Variants in EIF4G1 observed in about 807,000 individuals in gnomAD.
The protein encoded by EIF4G1 is eukaryotic translation initiation factor 4 gamma 1, also known as EIF4-gamma.
Under a neutral mutation model 187.8 loss-of-function variants are expected in EIF4G1, and 4 were observed. The observed-to-expected ratio is 0.02, with a 90% CI of 0.01 to 0.05. The LOEUF (loss-of-function observed/expected upper bound fraction) is 0.05, where lower values mean the gene tolerates loss of function less well. Ranked by LOEUF, EIF4G1 falls within the 10% of genes least tolerant of loss-of-function variation. The pLI, the probability that EIF4G1 is intolerant of heterozygous loss-of-function variation, is 1.00. For missense variants in EIF4G1, 1,647 were observed against 2,081.1 expected (o/e 0.79, Z 4.06); for synonymous variants, 844 against 781.4 (o/e 1.08, Z -1.34).
At chr3:184,330,464 C>T (rs776989828) in intron 28 of EIF4G1, among the ~76,000 whole-genome samples, 1 of 152,062 alleles carries the variant, frequency 6.6e-6, no homozygotes, top group African/African-American at 2.4e-5. Context: ...CTGTGAACTG[C>T]AATAATCTTG....
In EIF4G1 at chr3:184,326,999, C is replaced by T. The variant is rs1391798628; in HGVS notation, c.3428+16C>T. ...TGGTGCAGAGGTGAGGTTTCCTGGA[C>T]ATCTTTGTTATTCACACTGGGGGTA... On this transcript the variant is annotated intron_variant, in intron 23 of 32. Transcript: ENST00000346169. 2 of 1,613,884 alleles carry T rather than the reference C, an allele frequency of 1.2e-6. No individual in the cohort carries two copies. Among genetic ancestry groups the T allele is most frequent in the African/African-American group, 1.3e-5 (1 of 74,920 alleles).
chr3:184,326,724 T>A, intron 22 of EIF4G1, 95 bp downstream of exon 22: 3 of 1,512,750 alleles, frequency 2.0e-6, no homozygotes, highest in Non-Finnish European at 2.7e-6. Flanking sequence ...TACAAGGTGG[T>A]TAGGCAATGC....
intron 6 of EIF4G1, chr3:184,319,477 G>A (rs970421175): frequency 6.8e-6 from 3 of 440,928 alleles, no homozygotes; most frequent in African/African-American, 2.9e-5. Flanking sequence ...TTGTGTGTGT[G>A]TGTGTGTTAG....
In EIF4G1 at chr3:184,327,203, G is replaced by C; in HGVS notation, c.3429-13G>C. ...AGTGCAAGTGAGTGAAAATTTGTCTGTCTGTCTTCCAGGAGTAGCTTGAGC... is the reference window on the plus strand; with the variant it reads ...AGTGCAAGTGAGTGAAAATTTGTCTCTCTGTCTTCCAGGAGTAGCTTGAGC... On this transcript the variant is annotated splice_polypyrimidine_tract_variant and intron_variant, in intron 23 of 32. Coordinates refer to ENST00000346169, the MANE Select transcript of EIF4G1 (RefSeq NM_198241.3). 1.2e-6 allele frequency: 2 copies of C among 1,612,438 alleles called. No individual in the cohort carries two copies. Among genetic ancestry groups the C allele is most frequent in the Non-Finnish European group, 1.7e-6 (2 of 1,180,022 alleles).
intron 4 of EIF4G1, chr3:184,316,838 T>G: frequency 1.6e-6 from 2 of 1,260,620 alleles, no homozygotes; most frequent in South Asian, 2.5e-5. Flanking sequence ...GGTAGTGACT[T>G]GTTTGGTGTC....
At chr3:184,317,520 T>C in intron 5 of EIF4G1, 23 bp downstream of exon 5, 1 of 1,613,746 alleles carries the variant, frequency 6.2e-7, no homozygotes, top group Non-Finnish European at 8.5e-7. Flanking sequence ...GCTTGGAGCC[T>C]AGAAGCCACA....
Position 184,322,557 on chromosome 3 carries a change from T to G in EIF4G1, c.1622T>G (p.Val541Gly), listed in dbSNP as rs757581725. The change falls in exon 12 of 33, where the codon GTA becomes GGA. Residue 541 changes from valine (V) to glycine (G), a missense_variant. This residue lies in a region of EIF4G1 where 522 missense variants were observed against 485.2 expected (regional missense o/e 1.08). Transcript: ENST00000346169. ...CTGTTGTTCTAGGCGAACCCGGCAG[T>G]ACCAGAGGTGGAAAATCAGCCTCCT... ...LDAFKEANPAVPEVENQPPAG... is the reference protein window; with the variant it reads ...LDAFKEANPAGPEVENQPPAG... The G allele has an allele frequency of 6.2e-6, 10 of 1,614,022 alleles. No individual in the cohort carries two copies. The highest frequency in any genetic ancestry group is 8.5e-6 in the Non-Finnish European group (10 of 1,180,032).
In EIF4G1 at chr3:184,334,635, T is replaced by C; in HGVS notation, c.4619-92T>C. On this transcript the variant is annotated intron_variant, in intron 32 of 32. Coordinates refer to ENST00000346169, the MANE Select transcript of EIF4G1 (RefSeq NM_198241.3). This position sits in a 1 kb window ranked among gnomAD's most constrained non-coding sequence, Gnocchi z 5.8. ...AATGTCAGGCTGGTGCATCAGGGCC[T>C]TGTTTGAACAGTGGAACTTGGGAGG... The C allele has an allele frequency of 1.3e-6, 2 of 1,510,324 alleles. No homozygotes were observed. Among genetic ancestry groups the C allele is most frequent in the Non-Finnish European group, 1.8e-6 (2 of 1,091,156 alleles). 93.6% of individuals were successfully genotyped at this position (1,510,324 alleles called of 1,614,324 possible).
At chr3:184,319,444 T>G (rs1456059244) in intron 6 of EIF4G1, among the ~76,000 whole-genome samples, 1 of 67,298 alleles carries the variant, frequency 1.5e-5, no homozygotes, top group Non-Finnish European at 2.7e-5. Flanking sequence ...TGTGTGTGTG[T>G]GTGTGTGTGT....
intron 28 of EIF4G1, 163 bp downstream of exon 28, chr3:184,329,153 C>T (rs980740156): frequency 1.3e-6 from 1 of 789,236 alleles, no homozygotes; most frequent in Non-Finnish European, 2.1e-6. Context: ...ATCTCCCGCA[C>T]ACCAGTTCCT....
In EIF4G1 at chr3:184,323,195, G is replaced by A. The variant is rs750028797; in HGVS notation, c.2042G>A (p.Arg681His). 6 of 1,614,096 alleles carry A rather than the reference G, an allele frequency of 3.7e-6. No homozygotes were observed. The South Asian group carries it at 4.4e-5, about 12-fold the overall frequency. ...CTTGGCCGGACAACCCTTAGCACCC[G>A]TGGGCCCCCAAGGGGTGGGCCAGGT... The part of the protein sequence containing the change: ...ANLGRTTLST[R>H]GPPRGGPGGE... Residue 681 changes from arginine to histidine, a missense_variant, in exon 14 of 33, where the codon CGT becomes CAT. Transcript: ENST00000346169. This position sits in a 1 kb window ranked among gnomAD's most constrained non-coding sequence, Gnocchi z 6.9.
chr3:184,335,310 G>A lies in EIF4G1; in HGVS notation c.*402G>A, dbSNP rs1726909559. 8 of 238,738 alleles carry A rather than the reference G, an allele frequency of 3.4e-5. 1 individual carries two copies. The South Asian group carries it at 4.5e-4, about 13-fold the overall frequency. The allele number at this position is 238,738 out of a possible 1,614,324, so 14.8% of individuals were successfully genotyped here. On this transcript the variant is annotated 3_prime_UTR_variant, in exon 33 of 33. Coordinates refer to ENST00000346169, the MANE Select transcript of EIF4G1 (RefSeq NM_198241.3). Reference sequence around the variant, plus strand: ...CCTGCTGTTGCCTGGGCAGGGGGAAGGGGGGGCACGGTGCCTGTAATTATT... The same window carrying A: ...CCTGCTGTTGCCTGGGCAGGGGGAAAGGGGGGCACGGTGCCTGTAATTATT...
Position 184,334,655 on chromosome 3 carries a change from G to A in EIF4G1, c.4619-72G>A. ...GGGCCTTGTTTGAACAGTGGAACTTGGGAGGGTTCCCTGGGGTGGGCTGGG... is the reference window on the plus strand; with the variant it reads ...GGGCCTTGTTTGAACAGTGGAACTTAGGAGGGTTCCCTGGGGTGGGCTGGG... On this transcript the variant is annotated intron_variant, in intron 32 of 32. Coordinates refer to ENST00000346169, the MANE Select transcript of EIF4G1 (RefSeq NM_198241.3). This position sits in a 1 kb window ranked among gnomAD's most constrained non-coding sequence, Gnocchi z 5.8. 1 of 1,593,372 alleles carries A rather than the reference G, an allele frequency of 6.3e-7. No individual in the cohort carries two copies. The highest frequency in any genetic ancestry group is 8.6e-7 in the Non-Finnish European group (1 of 1,162,862).
intron 17 of EIF4G1, 117 bp from the exon 18 acceptor site, chr3:184,324,761 A>C: frequency 8.6e-7 from 1 of 1,167,096 alleles, no homozygotes; most frequent in South Asian, 1.2e-5. Flanking sequence ...CACTATGCCC[A>C]GCCAGCCGGC....
rs1726152330 is a variant in EIF4G1 at position 184,331,753 on chromosome 3, T to C, written c.4421T>C (p.Val1474Ala). The change falls in exon 31 of 33, where the codon GTA becomes GCA. Residue 1474 changes from valine (V) to alanine (A), a missense_variant. Val to Ala is a moderately conservative substitution (Grantham distance 64). Coordinates refer to ENST00000346169, the MANE Select transcript of EIF4G1 (RefSeq NM_198241.3). ...GCCAACCTGAGTGAGCAGCAGATAG[T>C]ATCCAACACGTTAGTTCGAGCCCTC... is the stretch of plus-strand genomic sequence containing the variant. ...IEANLSEQQI[V>A]SNTLVRALMT... The C allele has an allele frequency of 6.2e-7, 1 of 1,614,076 alleles. No homozygotes were observed. The highest frequency in any genetic ancestry group is 1.3e-5 in the African/African-American group (1 of 74,916).
chr3:184,317,672 A>G (rs1723034876), intron 5 of EIF4G1, 45 bp from the exon 6 acceptor site: 1 of 1,568,918 alleles, frequency 6.4e-7, no homozygotes, highest in Non-Finnish European at 8.8e-7. Flanking sequence ...TATGGAACTC[A>G]TAGCTCCCTC....
intron 32 of EIF4G1, among the ~76,000 whole-genome samples, chr3:184,333,336 A>G (rs1274603570): frequency 1.3e-5 from 2 of 152,112 alleles, no homozygotes; most frequent in South Asian, 2.1e-4. Context: ...GTCCTTTTGG[A>G]AAAGAAGAGA....
rs530167757 is a variant in EIF4G1 at position 184,321,955 on chromosome 3, GGAAGAAGAA to G, written c.1380_1388del (p.Glu463_Glu465del). On this transcript the variant is annotated inframe_deletion, in exon 10 of 33. Transcript: ENST00000346169. ...CTTCCCCAGCTCAGGAGGAGGAAAT[GGAAGAAGAA>G]GAAGAAGAGGAAGAAGGAGAAGCAG... 8.1e-6 allele frequency: 13 copies of G among 1,612,014 alleles called. No individual in the cohort carries two copies. Among genetic ancestry groups the G allele is most frequent in the African/African-American group, 4.0e-5 (3 of 74,892 alleles).
chr3:184,326,859 T>TA (rs1191747550), intron 22 of EIF4G1, 22 bp from the exon 23 acceptor site: 5 of 1,613,674 alleles, frequency 3.1e-6, no homozygotes, highest in South Asian at 1.1e-5. Flanking sequence ...AAGATTTTAA[T>TA]ACGGATTTTC....
Sources: gnomAD v4.1 joint callset for allele counts (sites outside exome capture counted in the v4.1 genomes callset) on GRCh38, gnomAD v4.1.1 for gene constraint, gnomAD v4.1.1 regional missense constraint, Gnocchi (gnomAD v3.1) non-coding constraint, MANE v1.5 for transcripts, NCBI Gene and HGNC (gene_info 2026-07-23, HGNC 2026-07-21) for gene names.